The following DPYD variants were observed in gnomAD, a reference collection of about 807,000 sequenced individuals.
DPYD encodes the protein dihydropyrimidine dehydrogenase.
A neutral mutation model predicts 116.2 loss-of-function variants in DPYD; 109 were observed. The observed-to-expected ratio is 0.94, with a 90% CI of 0.80 to 1.10. The LOEUF is 1.10. DPYD is among the 50% of genes least tolerant of loss of function. The probability of loss-of-function intolerance (pLI) is 0.00; values close to 1 mark genes in which losing one functional copy is unlikely to be tolerated. For synonymous variants in DPYD, 440 were observed against 432.0 expected (o/e 1.02, Z -0.23); for missense variants, 1,302 against 1,254.5 (o/e 1.04, Z -0.57).
At chr1:97,858,097 A>C (rs1022610570) in intron 2 of DPYD, among the ~76,000 whole-genome samples, 1 of 152,134 alleles carries the variant, frequency 6.6e-6, no homozygotes, top group African/African-American at 2.4e-5. Flanking sequence ...GAATTATAGC[A>C]AAATGCTTTT....
intron 20 of DPYD, among the ~76,000 whole-genome samples, chr1:97,161,250 C>T (rs550069560): frequency 6.6e-6 from 1 of 152,208 alleles, no homozygotes; most frequent in African/African-American, 2.4e-5. Context: ...TCTCAAACAG[C>T]CTGACTATAT....
At chr1:97,329,165 T>C (rs889899798) in intron 16 of DPYD, among the ~76,000 whole-genome samples, 4 of 152,178 alleles carry the variant, frequency 2.6e-5, no homozygotes, top group African/African-American at 7.2e-5. Context: ...TAAGATTTCA[T>C]GAATAGAAAT....
At chr1:97,149,548 C>G (rs989901832) in intron 20 of DPYD, among the ~76,000 whole-genome samples, 6 of 152,290 alleles carry the variant, frequency 3.9e-5, no homozygotes, top group Admixed American at 1.3e-4. Context: ...TCACCGCGTC[C>G]AGCTGATAAC....
chr1:97,412,166 A>G (rs980810016), intron 14 of DPYD, among the ~76,000 whole-genome samples: 1 of 152,192 alleles, frequency 6.6e-6, no homozygotes, highest in African/African-American at 2.4e-5. Flanking sequence ...CTAAAGTCAC[A>G]TTTAACTATA....
intron 7 of DPYD, 83 bp downstream of exon 7, chr1:97,691,634 C>T (rs1661011503): frequency 8.5e-7 from 1 of 1,178,060 alleles, no homozygotes. Context: ...TCCTAAAATG[C>T]ATGACATTTG....
At position 97,787,968 on chromosome 1, in the gene DPYD, T is replaced by A. The variant is rs1429504144; in HGVS notation, c.233+40146A>T. Reference sequence around the variant, plus strand: ...GTAGTAGAGAGGTAGACAGGTTAAATTGCCATTGCAACACAATGTGAAAAC... The same window carrying A: ...GTAGTAGAGAGGTAGACAGGTTAAAATGCCATTGCAACACAATGTGAAAAC... On this transcript the variant is annotated intron_variant, in intron 3 of 22. Coordinates refer to ENST00000370192, the MANE Select transcript of DPYD (RefSeq NM_000110.4). Among the ~76,000 whole-genome samples the A allele has an allele frequency of 3.3e-5, 5 of 152,186 alleles. No individual in the cohort carries two copies. The East Asian group carries it at 9.6e-4, about 29-fold the overall frequency.
chr1:97,896,915 T>C (rs1673100736), intron 1 of DPYD, among the ~76,000 whole-genome samples: 1 of 151,950 alleles, frequency 6.6e-6, no homozygotes, highest in Non-Finnish European at 1.5e-5. Flanking sequence ...TACTGTTTAA[T>C]TTAAATGACC....
At chr1:97,192,692 G>A (rs1658457382) in intron 20 of DPYD, among the ~76,000 whole-genome samples, 1 of 152,074 alleles carries the variant, frequency 6.6e-6, no homozygotes, top group South Asian at 2.1e-4. Flanking sequence ...TATTATTCAA[G>A]ACTACAGTGA....
chr1:97,572,761 T>A (rs1442720380), intron 11 of DPYD, among the ~76,000 whole-genome samples: 1 of 152,022 alleles, frequency 6.6e-6, no homozygotes, highest in East Asian at 1.9e-4. Context: ...ACATTAAACA[T>A]CTGGATGTTT....
intron 1 of DPYD, among the ~76,000 whole-genome samples, chr1:97,916,785 T>C (rs1278535310): frequency 1.3e-5 from 2 of 152,146 alleles, no homozygotes. Context: ...AGCTGAAAGG[T>C]TCGCTTGAGC....
intron 13 of DPYD, among the ~76,000 whole-genome samples, chr1:97,457,546 A>G (rs1676752806): frequency 6.6e-6 from 1 of 152,114 alleles, no homozygotes; most frequent in African/African-American, 2.4e-5. Context: ...TCTGTCACAG[A>G]GAAGTTGTAG....
intron 18 of DPYD, among the ~76,000 whole-genome samples, chr1:97,246,611 T>C (rs556495877): frequency 3.3e-5 from 5 of 152,214 alleles, no homozygotes; most frequent in Admixed American, 1.3e-4. Context: ...ACAGCAAAAC[T>C]AAAGTAGCCT....
intron 20 of DPYD, among the ~76,000 whole-genome samples, chr1:97,139,923 C>T (rs1335711935): frequency 6.6e-6 from 1 of 152,146 alleles, no homozygotes; most frequent in Non-Finnish European, 1.5e-5. Context: ...TCTCTGCTCT[C>T]TCCTGTAGAA....
chr1:97,450,873 T>C (rs1676376830), intron 13 of DPYD, among the ~76,000 whole-genome samples: 1 of 152,060 alleles, frequency 6.6e-6, no homozygotes, highest in South Asian at 2.1e-4. Context: ...AACAGTAAAA[T>C]TAACTTGCTT....
At chr1:97,629,873 T>C (rs556535240) in intron 8 of DPYD, among the ~76,000 whole-genome samples, 4 of 152,100 alleles carry the variant, frequency 2.6e-5, no homozygotes, top group Non-Finnish European at 4.4e-5. Context: ...GCTGTGAGAA[T>C]TGAATAAAAT....
At chr1:97,169,353 C>A (rs996596280) in intron 20 of DPYD, among the ~76,000 whole-genome samples, 1 of 152,034 alleles carries the variant, frequency 6.6e-6, no homozygotes, top group African/African-American at 2.4e-5. Flanking sequence ...ATAATGTATT[C>A]TTTTCTTTCC....
At chr1:97,451,273 G>A (rs1175836021) in intron 13 of DPYD, among the ~76,000 whole-genome samples, 2 of 152,068 alleles carry the variant, frequency 1.3e-5, no homozygotes, top group East Asian at 3.9e-4. Flanking sequence ...ATTAATTAGT[G>A]CTGATCTGCA....
chr1:97,576,840 G>A (rs2811212), intron 10 of DPYD, among the ~76,000 whole-genome samples: 142,012 of 152,240 alleles, frequency 0.93, 66,706 homozygotes, highest in Non-Finnish European at 0.99. Context: ...TTGAAACTTT[G>A]GAGATTTTCT....
At chr1:97,753,743 A>G (rs1330632883) in intron 3 of DPYD, among the ~76,000 whole-genome samples, 1 of 152,114 alleles carries the variant, frequency 6.6e-6, no homozygotes, top group African/African-American at 2.4e-5. Flanking sequence ...CAATCTTTCC[A>G]GTAGAAATAC....
Sources: allele counts gnomAD v4.1 joint callset (sites outside exome capture counted in the v4.1 genomes callset), GRCh38; gene constraint gnomAD v4.1.1; transcripts MANE v1.5; gene names NCBI Gene and HGNC (gene_info 2026-07-23, HGNC 2026-07-21).